Variants in ENTREP2 observed in about 807,000 individuals in gnomAD.
ENTREP2 encodes endosomal transmembrane epsin interactor 2.
the ENTREP2 span, among the ~76,000 whole-genome samples, chr15:29,443,968 A>G: frequency 3.9e-5 from 6 of 152,068 alleles, no homozygotes; most frequent in African/African-American, 1.4e-4. Context: ...GCCAGGCGTG[A>G]TGGTGGGCGC....
chr15:29,468,610 CA>C, the ENTREP2 span, among the ~76,000 whole-genome samples: 102 of 102,488 alleles, frequency 1.0e-3, no homozygotes, highest in Middle Eastern at 0.017. Context: ...AACTCCATCT[CA>C]AAAAAAAAAA....
chr15:29,563,859 A>ATAAATAAG, the ENTREP2 span, among the ~76,000 whole-genome samples: 1 of 151,696 alleles, frequency 6.6e-6, no homozygotes, highest in Non-Finnish European at 1.5e-5. Flanking sequence ...AAATAAATAA[A>ATAAATAAG]TAAATAAGTA....
chr15:29,236,314 A>G, the ENTREP2 span, among the ~76,000 whole-genome samples: 1 of 152,174 alleles, frequency 6.6e-6, no homozygotes, highest in Non-Finnish European at 1.5e-5. Context: ...AATTCACATA[A>G]TATGAAACAG....
chr15:29,337,466 G>A, the ENTREP2 span, among the ~76,000 whole-genome samples: 1 of 152,148 alleles, frequency 6.6e-6, no homozygotes, highest in Non-Finnish European at 1.5e-5. Flanking sequence ...TATCACGTTT[G>A]TAATTTCCAG....
chr15:29,197,762 T>C, the ENTREP2 span, among the ~76,000 whole-genome samples: 1 of 146,390 alleles, frequency 6.8e-6, no homozygotes, highest in Non-Finnish European at 1.5e-5. Flanking sequence ...CAAGACTCCA[T>C]CTCAAAAAAA....
chr15:29,163,528 G>C, the ENTREP2 span, among the ~76,000 whole-genome samples: 2 of 151,954 alleles, frequency 1.3e-5, no homozygotes, highest in African/African-American at 4.8e-5. Context: ...AAATGCTCTG[G>C]AAAGTCTCAG....
the ENTREP2 span, among the ~76,000 whole-genome samples, chr15:29,180,214 T>C: frequency 1.3e-5 from 2 of 152,164 alleles, no homozygotes; most frequent in East Asian, 1.9e-4. Context: ...ATGTACCATA[T>C]ATACATTTAC....
the ENTREP2 span, among the ~76,000 whole-genome samples, chr15:29,182,491 A>G: frequency 6.6e-6 from 1 of 152,194 alleles, no homozygotes. Flanking sequence ...CTAGGAATAT[A>G]TATTTAACGT....
At chr15:29,439,580 A>C in the ENTREP2 span, among the ~76,000 whole-genome samples, 3 of 152,152 alleles carry the variant, frequency 2.0e-5, no homozygotes, top group Non-Finnish European at 2.9e-5. Flanking sequence ...CCCCCAGAAC[A>C]CCAGGGTGAT....
At chr15:29,138,233 G>C in the ENTREP2 span, among the ~76,000 whole-genome samples, 3 of 152,152 alleles carry the variant, frequency 2.0e-5, 1 homozygote, top group Admixed American at 2.0e-4. Context: ...ACACCGAGAT[G>C]CTGCTTTAAT....
chr15:29,271,254 T>C, the ENTREP2 span, among the ~76,000 whole-genome samples: 1 of 152,238 alleles, frequency 6.6e-6, no homozygotes, highest in Non-Finnish European at 1.5e-5. Context: ...TTCATTTTTT[T>C]ACAATGAGAA....
At chr15:29,241,815 T>C in the ENTREP2 span, among the ~76,000 whole-genome samples, 1 of 152,124 alleles carries the variant, frequency 6.6e-6, no homozygotes, top group African/African-American at 2.4e-5. Flanking sequence ...GGAGGATCAG[T>C]TGAGGCCAGG....
At chr15:29,475,859 C>A in the ENTREP2 span, among the ~76,000 whole-genome samples, 2 of 152,212 alleles carry the variant, frequency 1.3e-5, no homozygotes, top group African/African-American at 2.4e-5. Flanking sequence ...GCAGGATCTA[C>A]GGAAGGGCGA....
chr15:29,572,373 A>G, the ENTREP2 span, among the ~76,000 whole-genome samples: 717 of 152,330 alleles, frequency 4.7e-3, 4 homozygotes, highest in Non-Finnish European at 7.7e-3. Flanking sequence ...TTTTCTGCCT[A>G]GAAGTTCGCA....
chr15:29,173,929 T>A, the ENTREP2 span, among the ~76,000 whole-genome samples: 3 of 144,720 alleles, frequency 2.1e-5, no homozygotes, highest in African/African-American at 5.3e-5. Flanking sequence ...AAGTGAAAAC[T>A]AATATCTGGA....
chr15:29,671,954 G>A, the ENTREP2 span, among the ~76,000 whole-genome samples: 2 of 152,196 alleles, frequency 1.3e-5, no homozygotes, highest in African/African-American at 4.8e-5. Flanking sequence ...GGCTTCCAGG[G>A]GCTGGAAGGA....
At chr15:29,155,965 C>T in the ENTREP2 span, among the ~76,000 whole-genome samples, 1 of 152,118 alleles carries the variant, frequency 6.6e-6, no homozygotes, top group South Asian at 2.1e-4. Context: ...CTATAGGCAT[C>T]TCCACTGCCC....
At chr15:29,238,579 G>A in the ENTREP2 span, among the ~76,000 whole-genome samples, 1 of 152,034 alleles carries the variant, frequency 6.6e-6, no homozygotes, top group East Asian at 1.9e-4. Context: ...AGGTTGCAAT[G>A]AGCCAAGATC....
At chr15:29,510,728 A>G in the ENTREP2 span, among the ~76,000 whole-genome samples, 2 of 150,944 alleles carry the variant, frequency 1.3e-5, no homozygotes, top group East Asian at 3.9e-4. Context: ...AATGGCGTGA[A>G]CCCGGGAAGT....
Sources: allele counts gnomAD v4.1 joint callset (sites outside exome capture counted in the v4.1 genomes callset), GRCh38; gene constraint gnomAD v4.1.1; transcripts MANE v1.5; gene names NCBI Gene and HGNC (gene_info 2026-07-23, HGNC 2026-07-21).